The following CADPS variants were observed in gnomAD, a reference collection of about 807,000 sequenced individuals.
CADPS encodes the protein calcium-dependent secretion activator 1.
In CADPS, 57 loss-of-function variants were observed where a neutral mutation model predicts 167.3. The ratio of observed to expected loss-of-function variants is 0.34; its 90% CI spans 0.28 to 0.42. The LOEUF is 0.42. Among genes scored for constraint, CADPS ranks in the 20% least tolerant of loss-of-function variants. The probability of loss-of-function intolerance (pLI) is 1.00; values close to 1 mark genes in which losing one functional copy is unlikely to be tolerated. For synonymous variants in CADPS, 676 were observed against 635.3 expected, an observed-to-expected ratio of 1.06 and a Z score of -0.96; for missense variants, 1,414 against 1,738.1, an observed-to-expected ratio of 0.81 and a Z score of 3.32.
intron 3 of CADPS, among the ~76,000 whole-genome samples, chr3:62,707,315 AG>A (rs1401242278): frequency 1.3e-5 from 2 of 152,106 alleles, no homozygotes; most frequent in Non-Finnish European, 2.9e-5. Flanking sequence ...TTCATCCCAA[AG>A]CCATCCCCTG....
chr3:62,564,183 A>G (rs1244970716), intron 9 of CADPS, among the ~76,000 whole-genome samples: 3 of 151,962 alleles, frequency 2.0e-5, no homozygotes, highest in East Asian at 1.9e-4. Context: ...TTGTATTTTT[A>G]GAAGAGATGG....
At chr3:62,819,853 T>A (rs1295726318) in intron 1 of CADPS, among the ~76,000 whole-genome samples, 1 of 152,170 alleles carries the variant, frequency 6.6e-6, no homozygotes, top group Non-Finnish European at 1.5e-5. Context: ...ACTGGAAGCT[T>A]GTGCCTGGTC....
chr3:62,450,354 C>T (rs540855019), intron 26 of CADPS, among the ~76,000 whole-genome samples: 14 of 152,302 alleles, frequency 9.2e-5, no homozygotes, highest in Non-Finnish European at 1.8e-4. Flanking sequence ...TAATCAACAA[C>T]ACAATCTATT....
chr3:62,622,174 G>C (rs940414785), intron 6 of CADPS, among the ~76,000 whole-genome samples: 1 of 152,128 alleles, frequency 6.6e-6, no homozygotes, highest in African/African-American at 2.4e-5. Context: ...AATCAGCCCC[G>C]AGCTGTATGC....
intron 6 of CADPS, among the ~76,000 whole-genome samples, chr3:62,593,013 G>A (rs931470741): frequency 3.3e-5 from 5 of 152,172 alleles, no homozygotes; most frequent in African/African-American, 1.2e-4. Context: ...AACTCATGTT[G>A]GTGAGAACTT....
At chr3:62,677,197 C>T (rs1182844462) in intron 3 of CADPS, among the ~76,000 whole-genome samples, 1 of 151,948 alleles carries the variant, frequency 6.6e-6, no homozygotes, top group East Asian at 1.9e-4. Context: ...TAAACTGTGA[C>T]ATTAGCCATC....
intron 3 of CADPS, among the ~76,000 whole-genome samples, chr3:62,679,019 C>G (rs577784412): frequency 4.6e-5 from 7 of 152,002 alleles, no homozygotes; most frequent in Admixed American, 3.9e-4. Flanking sequence ...ATTGCTGTAG[C>G]TTTTCTTTAC....
At position 62,707,384 on chromosome 3, in the gene CADPS, G is replaced by T. The variant is rs369626424; in HGVS notation, c.889-44990C>A. On this transcript the variant is annotated intron_variant, in intron 3 of 29. Transcript: ENST00000383710. ...CAAAACCAGTCCGTGATCCCAAAAAGGTTGGGGAGCACTGTTTTAGGGGGA... is the reference window on the plus strand; with the variant it reads ...CAAAACCAGTCCGTGATCCCAAAAATGTTGGGGAGCACTGTTTTAGGGGGA... Among the ~76,000 whole-genome samples, 180 of 152,204 alleles carry T rather than the reference G, an allele frequency of 1.2e-3. 6 individuals are homozygous for T. The South Asian group carries it at 0.036, about 30-fold the overall frequency.
chr3:62,444,138 TG>T (rs2056829163), intron 27 of CADPS, among the ~76,000 whole-genome samples: 1 of 152,196 alleles, frequency 6.6e-6, no homozygotes, highest in African/African-American at 2.4e-5. Flanking sequence ...CAAACCTGGC[TG>T]AGATACCCCC....
chr3:62,834,595 G>A (rs1376092821), intron 1 of CADPS, among the ~76,000 whole-genome samples: 1 of 152,106 alleles, frequency 6.6e-6, no homozygotes, highest in African/African-American at 2.4e-5. Flanking sequence ...GAAACATCAA[G>A]GTCATACTAT....
At chr3:62,617,426 A>G (rs1219368149) in intron 6 of CADPS, among the ~76,000 whole-genome samples, 1 of 152,090 alleles carries the variant, frequency 6.6e-6, no homozygotes, top group Non-Finnish European at 1.5e-5. Flanking sequence ...ATCCTGAAGT[A>G]TTTTCCTTTT....
chr3:62,593,365 C>A (rs947507748), intron 6 of CADPS, among the ~76,000 whole-genome samples: 1 of 152,222 alleles, frequency 6.6e-6, no homozygotes, highest in Admixed American at 6.5e-5. Context: ...GTTTTCCACA[C>A]ACGGGAGCCT....
chr3:62,768,155 G>C (rs1276423012), intron 1 of CADPS, among the ~76,000 whole-genome samples: 1 of 152,170 alleles, frequency 6.6e-6, no homozygotes, highest in Admixed American at 6.5e-5. Flanking sequence ...TATTTTTTAT[G>C]TGCTTGAAAC....
intron 1 of CADPS, among the ~76,000 whole-genome samples, chr3:62,793,408 T>C (rs111550724): frequency 1.1e-3 from 161 of 152,314 alleles, no homozygotes; most frequent in Middle Eastern, 6.8e-3. Context: ...TTAAAAATTA[T>C]AGAAGAGTTT....
chr3:62,478,084 G>A lies in CADPS; in HGVS notation c.3329+177C>T, dbSNP rs1459137412. On this transcript the variant is annotated intron_variant, in intron 23 of 29. Transcript: ENST00000383710. This position sits in a 1 kb window ranked among gnomAD's most constrained non-coding sequence, Gnocchi z 5.7. Reference sequence around the variant, plus strand: ...TTATTTTGGGTTTGGGACAGATGGAGGGCAGGTGAATGGAAGTTAGACGTT... The same window carrying A: ...TTATTTTGGGTTTGGGACAGATGGAAGGCAGGTGAATGGAAGTTAGACGTT... The A allele has an allele frequency of 6.3e-6, 4 of 637,366 alleles. No homozygotes were observed. Among genetic ancestry groups the A allele is most frequent in the Middle Eastern group, 4.4e-4 (1 of 2,284 alleles). The allele number at this position is 637,366 out of a possible 1,614,324, so 39.5% of individuals were successfully genotyped here. A position where few individuals can be genotyped will look rare whatever the true frequency, so the allele number is the denominator to read the frequency against.
At chr3:62,448,103 C>T (rs1034493454) in intron 26 of CADPS, among the ~76,000 whole-genome samples, 8 of 152,146 alleles carry the variant, frequency 5.3e-5, no homozygotes, top group African/African-American at 1.9e-4. Context: ...GACTCCTATG[C>T]GGTCATCTGA....
intron 26 of CADPS, among the ~76,000 whole-genome samples, chr3:62,462,453 A>G (rs1230782801): frequency 1.3e-5 from 2 of 152,240 alleles, no homozygotes; most frequent in Non-Finnish European, 2.9e-5. Flanking sequence ...GGCTTGGACC[A>G]TGAAACAAGC....
At chr3:62,679,622 G>A (rs1353671078) in intron 3 of CADPS, among the ~76,000 whole-genome samples, 3 of 152,024 alleles carry the variant, frequency 2.0e-5, no homozygotes, top group Admixed American at 6.6e-5. Flanking sequence ...AATAACTGGA[G>A]AGGAGATTGC....
At chr3:62,587,280 A>T (rs1334220657) in intron 7 of CADPS, among the ~76,000 whole-genome samples, 4 of 152,226 alleles carry the variant, frequency 2.6e-5, no homozygotes, top group African/African-American at 7.2e-5. Flanking sequence ...GGCACCAGAG[A>T]ACTGCAACAT....
Sources: allele counts gnomAD v4.1 joint callset (sites outside exome capture counted in the v4.1 genomes callset), GRCh38; gene constraint gnomAD v4.1.1; non-coding constraint Gnocchi (gnomAD v3.1); transcripts MANE v1.5; gene names NCBI Gene and HGNC (gene_info 2026-07-23, HGNC 2026-07-21).